Variants in HBS1L observed in about 807,000 individuals in gnomAD.
HBS1L encodes the protein HBS1 like translational GTPase.
Under a neutral mutation model 88.9 loss-of-function variants are expected in HBS1L, and 55 were observed. That is an observed-to-expected ratio of 0.62 (90% confidence interval 0.50 to 0.77). The LOEUF (loss-of-function observed/expected upper bound fraction) is 0.77. Among genes scored for constraint, HBS1L ranks in the 30% least tolerant of loss-of-function variants. HBS1L has a pLI of 0.00. For missense variants in HBS1L, 741 were observed against 829.3 expected (o/e 0.89, Z 1.31); for synonymous variants, 267 against 288.5 (o/e 0.93, Z 0.76).
chr6:135,003,896 T>C (rs1398173660), intron 4 of HBS1L, among the ~76,000 whole-genome samples: 1 of 151,930 alleles, frequency 6.6e-6, no homozygotes, highest in East Asian at 1.9e-4. Context: ...ATAAAAATAA[T>C]TAAAAATGGA....
intron 4 of HBS1L, among the ~76,000 whole-genome samples, chr6:135,031,009 T>C (rs1257999882): frequency 1.3e-5 from 2 of 152,146 alleles, no homozygotes; most frequent in Non-Finnish European, 2.9e-5. Flanking sequence ...ATGGTCTACT[T>C]AGTGTCGCAT....
At chr6:134,975,232 G>C (rs1562274997) in intron 15 of HBS1L, among the ~76,000 whole-genome samples, 1 of 152,054 alleles carries the variant, frequency 6.6e-6, no homozygotes, top group Non-Finnish European at 1.5e-5. Flanking sequence ...CTTACAAGGA[G>C]AACTACAAAA....
At chr6:134,992,818 T>C (rs1775181519) in intron 8 of HBS1L, among the ~76,000 whole-genome samples, 1 of 152,212 alleles carries the variant, frequency 6.6e-6, no homozygotes, top group Admixed American at 6.5e-5. Context: ...TTTAAATAAA[T>C]GTAGTGTCCC....
chr6:135,027,383 T>G (rs773335728), intron 4 of HBS1L, among the ~76,000 whole-genome samples: 2 of 151,788 alleles, frequency 1.3e-5, no homozygotes, highest in Admixed American at 6.6e-5. Context: ...AAACCAGTAA[T>G]CATAACAAAA....
At chr6:135,034,576 G>A (rs1315081439) in intron 4 of HBS1L, among the ~76,000 whole-genome samples, 4 of 152,148 alleles carry the variant, frequency 2.6e-5, no homozygotes, top group Admixed American at 6.5e-5. Context: ...CCCGAGAGGC[G>A]GAGGTTGCAG....
chr6:134,993,406 C>A (rs1775200365), intron 8 of HBS1L, among the ~76,000 whole-genome samples: 1 of 151,994 alleles, frequency 6.6e-6, no homozygotes, highest in Non-Finnish European at 1.5e-5. Flanking sequence ...AGATATAGAA[C>A]TTGAATATAT....
At chr6:134,990,502 G>A (rs1222368334) in intron 8 of HBS1L, among the ~76,000 whole-genome samples, 2 of 152,244 alleles carry the variant, frequency 1.3e-5, no homozygotes, top group Non-Finnish European at 2.9e-5. Context: ...TTATCTCTTT[G>A]TTACATAATG....
Position 135,049,828 on chromosome 6 carries a change from T to C in HBS1L, c.109+754A>G, listed in dbSNP as rs544722243. 3.3e-5 allele frequency among the ~76,000 whole-genome samples: 5 copies of C among 152,364 alleles called. No individual in the cohort carries two copies. The East Asian group carries it at 9.6e-4, about 29-fold the overall frequency. ...CTCAGGTGATCCACCTGCCTCGGCC[T>C]CCCAGAGTGCCGGGATTACAGGCGT... On this transcript the variant is annotated intron_variant, in intron 2 of 17. Coordinates refer to ENST00000367837, the MANE Select transcript of HBS1L (RefSeq NM_006620.4).
At chr6:134,985,524 A>G in intron 11 of HBS1L, 115 bp from the exon 12 acceptor site, 1 of 608,226 alleles carries the variant, frequency 1.6e-6, no homozygotes, top group Non-Finnish European at 2.9e-6. Context: ...TTTTATAATT[A>G]CTAATAGCAA....
At chr6:134,978,920 T>A in intron 14 of HBS1L, 133 bp from the exon 15 acceptor site, 1 of 636,574 alleles carries the variant, frequency 1.6e-6, no homozygotes, top group South Asian at 2.1e-5. Context: ...TATTCTCTTC[T>A]GAGCTAAAGC....
At chr6:134,968,301 T>C (rs770357540) in intron 16 of HBS1L, among the ~76,000 whole-genome samples, 2 of 151,518 alleles carry the variant, frequency 1.3e-5, no homozygotes, top group Non-Finnish European at 2.9e-5. Context: ...CAGGCTGGAG[T>C]ACAGTGGTGC....
chr6:135,033,105 G>A (rs1776435797), intron 4 of HBS1L, among the ~76,000 whole-genome samples: 1 of 152,010 alleles, frequency 6.6e-6, no homozygotes, highest in Admixed American at 6.5e-5. Flanking sequence ...CAAAAAGAGT[G>A]AAGAGCAAAA....
chr6:135,038,060 A>AT, intron 4 of HBS1L: 2 of 1,440,348 alleles, frequency 1.4e-6, no homozygotes, highest in Non-Finnish European at 1.8e-6. Context: ...TTTCAGATGA[A>AT]TAGGTTGATA....
At chr6:135,014,590 C>A (rs79980945) in intron 4 of HBS1L, among the ~76,000 whole-genome samples, 2,205 of 152,214 alleles carry the variant, frequency 0.014, 70 homozygotes, top group African/African-American at 0.051. Context: ...ACATGAGAGT[C>A]AATACATTAA....
At position 135,036,407 on chromosome 6, in the gene HBS1L, AT is replaced by A. The variant is rs11319479; in HGVS notation, c.430+3165del. On this transcript the variant is annotated intron_variant, in intron 4 of 17. Transcript: ENST00000367837. The stretch of plus-strand genomic sequence containing the variant: ...GAAAGAAGACATAGTTAAAAAAAAA[AT>A]CAGTGCAAAAATACGTATCAACTAA... The A allele has an allele frequency of 8.4e-3, 11,069 of 1,320,786 alleles. 662 individuals carry two copies. The African/African-American group carries it at 0.14, about 17-fold the overall frequency. 81.8% of individuals were successfully genotyped at this position (1,320,786 alleles called of 1,614,324 possible).
At chr6:134,994,054 G>A (rs951283822) in intron 7 of HBS1L, among the ~76,000 whole-genome samples, 179 bp from the exon 8 acceptor site, 5 of 152,060 alleles carry the variant, frequency 3.3e-5, no homozygotes, top group Non-Finnish European at 5.9e-5. Context: ...TAATAGAAGT[G>A]CATCCATATG....
chr6:134,977,794 T>C (rs546194733), intron 15 of HBS1L, among the ~76,000 whole-genome samples: 1 of 151,954 alleles, frequency 6.6e-6, no homozygotes, highest in Non-Finnish European at 1.5e-5. Context: ...GAATCTGTAC[T>C]ATATGAGCTA....
intron 4 of HBS1L, among the ~76,000 whole-genome samples, chr6:135,030,537 G>A (rs1776355215): frequency 6.6e-6 from 1 of 152,066 alleles, no homozygotes; most frequent in Non-Finnish European, 1.5e-5. Context: ...ATTTAGATAG[G>A]GAGACAGAAA....
intron 15 of HBS1L, among the ~76,000 whole-genome samples, chr6:134,975,204 C>T (rs1774608565): frequency 6.6e-6 from 1 of 152,004 alleles, no homozygotes; most frequent in South Asian, 2.1e-4. Context: ...TGTACTTAGC[C>T]AAGGAGGTGA....
Sources: gnomAD v4.1 joint callset for allele counts (sites outside exome capture counted in the v4.1 genomes callset) on GRCh38, gnomAD v4.1.1 for gene constraint, MANE v1.5 for transcripts, NCBI Gene and HGNC (gene_info 2026-07-23, HGNC 2026-07-21) for gene names.